Variants in NDE1 observed in about 807,000 individuals in gnomAD.
The protein encoded by NDE1 is nuclear distribution protein nudE homolog 1.
NDE1 carries 28 observed loss-of-function variants against 43.4 expected under a neutral mutation model. The observed-to-expected ratio is 0.65, with a 90% CI of 0.48 to 0.89. The LOEUF (loss-of-function observed/expected upper bound fraction) is 0.89, where lower values mean the gene tolerates loss of function less well. NDE1 is among the 40% of genes least tolerant of loss of function. The pLI is 0.00. For missense variants in NDE1, 441 were observed against 434.1 expected (o/e 1.02, Z -0.14); for synonymous variants, 184 against 172.0 (o/e 1.07, Z -0.55).
At position 15,726,243 on chromosome 16, in the gene NDE1, G is replaced by A. The variant is rs2040750718; in HGVS notation, c.*1992G>A. ...CTTCCCTTCCCCTTACTCGGCTGGAGTCCTACTGGGGCAGCGACAGTGTCT... is the reference window on the plus strand; with the variant it reads ...CTTCCCTTCCCCTTACTCGGCTGGAATCCTACTGGGGCAGCGACAGTGTCT... On this transcript the variant is annotated 3_prime_UTR_variant, in exon 9 of 9. Transcript: ENST00000396354. 1 of 154,536 alleles carries A rather than the reference G, an allele frequency of 6.5e-6. No individual in the cohort carries two copies. Among genetic ancestry groups the A allele is most frequent in the African/African-American group, 2.4e-5 (1 of 41,482 alleles). 9.6% of individuals were successfully genotyped at this position (154,536 alleles called of 1,614,324 possible). A position where few individuals can be genotyped will look rare whatever the true frequency, so the allele number is the denominator to read the frequency against.
upstream of NDE1, among the ~76,000 whole-genome samples, chr16:15,646,274 G>A (rs2036327605): frequency 6.6e-6 from 1 of 152,160 alleles, no homozygotes; most frequent in Admixed American, 6.5e-5. Context: ...AGTGGTTAGG[G>A]CCAAATAAAA....
chr16:15,714,841 G>GA (rs1445075116), intron 8 of NDE1: 3 of 1,593,084 alleles, frequency 1.9e-6, no homozygotes, highest in Non-Finnish European at 2.6e-6. Flanking sequence ...AGGCCGAAAG[G>GA]AGCCCGAGCC....
intron 5 of NDE1, among the ~76,000 whole-genome samples, chr16:15,688,261 T>C (rs190677132): frequency 1.3e-5 from 2 of 152,276 alleles, no homozygotes; most frequent in East Asian, 1.9e-4. Context: ...GCAACCAATA[T>C]ATTTGGCTAA....
intron 4 of NDE1, chr16:15,686,411 C>T: frequency 1.0e-6 from 1 of 985,360 alleles, no homozygotes; most frequent in Non-Finnish European, 1.2e-6. Context: ...GCCTTTACCA[C>T]AGTGTTTATG....
chr16:15,682,862 C>A (rs567278521), intron 4 of NDE1, among the ~76,000 whole-genome samples: 1 of 152,104 alleles, frequency 6.6e-6, no homozygotes, highest in Non-Finnish European at 1.5e-5. Context: ...GTAGCTGGGA[C>A]TACATTGCAT....
chr16:15,663,740 T>A (rs1029008504), intron 1 of NDE1, among the ~76,000 whole-genome samples: 1 of 152,122 alleles, frequency 6.6e-6, no homozygotes, highest in Non-Finnish European at 1.5e-5. Context: ...CTGTGCACAT[T>A]TCTGTGGCTA....
chr16:15,674,852 C>T (rs1025571697), intron 3 of NDE1, among the ~76,000 whole-genome samples: 19 of 152,162 alleles, frequency 1.2e-4, no homozygotes, highest in African/African-American at 4.6e-4. Flanking sequence ...GGACTACAGG[C>T]GACGCCACCA....
At chr16:15,644,751 T>C (rs984607379) in intron 1 of NDE1, among the ~76,000 whole-genome samples, 1 of 152,200 alleles carries the variant, frequency 6.6e-6, no homozygotes, top group African/African-American at 2.4e-5. Context: ...TACGCTACTC[T>C]TCAGAGGTGT....
intron 8 of NDE1, chr16:15,721,758 G>T: frequency 1.0e-6 from 1 of 957,734 alleles, no homozygotes; most frequent in Non-Finnish European, 1.6e-6. Flanking sequence ...AGCAGTGTAG[G>T]TTAGCTATGG....
chr16:15,704,232 A>AT (rs372266248), intron 8 of NDE1: 189 of 1,349,712 alleles, frequency 1.4e-4, no homozygotes, highest in Middle Eastern at 4.9e-4. Flanking sequence ...TGCAATATAA[A>AT]TTTTTTTTAT....
At chr16:15,654,049 G>A (rs568538564) in intron 1 of NDE1, among the ~76,000 whole-genome samples, 72 of 152,074 alleles carry the variant, frequency 4.7e-4, no homozygotes, top group African/African-American at 1.7e-3. Context: ...ATTTTTGAAG[G>A]AGGCATAGAT....
intron 5 of NDE1, among the ~76,000 whole-genome samples, chr16:15,688,138 T>C (rs2038534400): frequency 6.6e-6 from 1 of 152,224 alleles, no homozygotes; most frequent in African/African-American, 2.4e-5. Flanking sequence ...ATGGCACCAG[T>C]GCACTCCAGC....
intron 1 of NDE1, 32 bp from the exon 2 acceptor site, chr16:15,664,704 G>T: frequency 3.6e-6 from 4 of 1,106,324 alleles, no homozygotes; most frequent in Non-Finnish European, 4.2e-6. Flanking sequence ...TTAACCAGAT[G>T]TGGGTAATCA....
chr16:15,715,261 G>A lies in NDE1; in HGVS notation c.948-8930G>A, dbSNP rs112948385. The A allele has an allele frequency of 1.8e-4, 287 of 1,614,020 alleles. 1 individual carries two copies. The highest frequency in any genetic ancestry group is 9.9e-4 in the Middle Eastern group (6 of 6,044). ...TTTCTGCTTCAGCGACTTGGTGGCC[G>A]CCTGTTTCTCTCTGCAAACAGCAAG... is the stretch of plus-strand genomic sequence containing the variant. On this transcript the variant is annotated intron_variant, in intron 8 of 8. Coordinates refer to ENST00000396354, the MANE Select transcript of NDE1 (RefSeq NM_017668.3).
At position 15,726,050 on chromosome 16, in the gene NDE1, G is replaced by A. The variant is rs2040739111; in HGVS notation, c.*1799G>A. The A allele has an allele frequency of 2.4e-5, 5 of 211,366 alleles. 1 individual carries two copies. The highest frequency in any genetic ancestry group is 5.9e-5 in the Admixed American group (1 of 16,874). The allele number at this position is 211,366 out of a possible 1,614,324, so 13.1% of individuals were successfully genotyped here. ...TACTTACCACAGGGCCTTTGCACACGCTGTTCCCTCTGCCTGGTAGACTTA... is the reference window on the plus strand; with the variant it reads ...TACTTACCACAGGGCCTTTGCACACACTGTTCCCTCTGCCTGGTAGACTTA... On this transcript the variant is annotated 3_prime_UTR_variant, in exon 9 of 9. Coordinates refer to ENST00000396354, the MANE Select transcript of NDE1 (RefSeq NM_017668.3).
At chr16:15,643,764 A>G (rs2036215222) in exon 1 of NDE1, 1 of 212,900 alleles carries the variant, frequency 4.7e-6, no homozygotes, top group Non-Finnish European at 9.5e-6. Context: ...TGGCAAAAAT[A>G]CAGTGTGTGC....
intron 1 of NDE1, among the ~76,000 whole-genome samples, chr16:15,662,806 C>T (rs1201569295): frequency 6.6e-6 from 1 of 151,950 alleles, no homozygotes; most frequent in African/African-American, 2.4e-5. Flanking sequence ...CTCAAACTCC[C>T]AGGCTCAAGC....
At chr16:15,690,362 T>TC (rs1567652238) in intron 5 of NDE1, among the ~76,000 whole-genome samples, 12 of 101,604 alleles carry the variant, frequency 1.2e-4, no homozygotes, top group South Asian at 3.3e-4. Context: ...TCTTTTTTTT[T>TC]TTTTTTTTTT....
At chr16:15,708,259 T>C (rs2039574785) in intron 8 of NDE1, among the ~76,000 whole-genome samples, 1 of 152,170 alleles carries the variant, frequency 6.6e-6, no homozygotes, top group East Asian at 1.9e-4. Flanking sequence ...GACAAGCCTG[T>C]GAAAGCTGAA....
Sources: allele counts gnomAD v4.1 joint callset (sites outside exome capture counted in the v4.1 genomes callset), GRCh38; gene constraint gnomAD v4.1.1; transcripts MANE v1.5; gene names NCBI Gene and HGNC (gene_info 2026-07-23, HGNC 2026-07-21).